Variants in DDX60L observed in about 807,000 individuals in gnomAD.
DDX60L encodes probable ATP-dependent RNA helicase DDX60-like.
Under a neutral mutation model 211.6 loss-of-function variants are expected in DDX60L, and 191 were observed. The observed-to-expected ratio is 0.90, with a 90% CI of 0.80 to 1.02. The LOEUF (loss-of-function observed/expected upper bound fraction) is 1.02, where lower values mean the gene tolerates loss of function less well. Among genes scored for constraint, DDX60L ranks in the 50% least tolerant of loss-of-function variants. The pLI is 0.00. For synonymous variants in DDX60L, 706 were observed against 694.1 expected (o/e 1.02, Z -0.27); for missense variants, 2,007 against 1,984.1 (o/e 1.01, Z -0.22).
chr4:168,399,325 G>A (rs998660205), intron 26 of DDX60L, among the ~76,000 whole-genome samples: 1 of 152,122 alleles, frequency 6.6e-6, no homozygotes, highest in Admixed American at 6.5e-5. Flanking sequence ...AACTTCTTTG[G>A]GGCTCTGCAG....
chr4:168,427,247 G>T lies in DDX60L; in HGVS notation c.1753C>A (p.Gln585Lys), dbSNP rs758866831. ...FLKEDQNKAQ[Q>K]NDDLLFSIEE... ...ATAGAAAACAGCAGATCATCGTTTT[G>T]CTGAGCTTTGTTCTGATCTTCTTTG... Residue 585 changes from glutamine (Q) to lysine (K), a missense_variant, in exon 14 of 38, where the codon CAA (glutamine) becomes AAA (lysine). By Grantham distance (53) the Gln-to-Lys change is moderately conservative. Transcript: ENST00000682922. The T allele has an allele frequency of 3.1e-6, 5 of 1,613,580 alleles. No individual in the cohort carries two copies. The highest frequency in any genetic ancestry group is 1.3e-5 in the African/African-American group (1 of 74,890).
Position 168,461,874 on chromosome 4 carries a change from A to T in DDX60L, c.431T>A (p.Ile144Lys), listed in dbSNP as rs141545646. The change falls in exon 5 of 38, where the codon ATA becomes AAA. Residue 144 changes from isoleucine to lysine, a missense_variant. Ile to Lys is a moderately radical substitution (Grantham distance 102). Transcript: ENST00000682922. Reference sequence around the variant, plus strand: ...ATCACTCAGGCCTTCCTCTGAAACTATCAGAAAATACGGGTAATGCTGTTC... The same window carrying T: ...ATCACTCAGGCCTTCCTCTGAAACTTTCAGAAAATACGGGTAATGCTGTTC... ...FLEQHYPYFL[I>K]VSEEGLSDLQ... is the part of the protein sequence containing the mutation. 6.2e-7 allele frequency: 1 copy of T among 1,611,326 alleles called. No homozygotes were observed. The highest frequency in any genetic ancestry group is 8.5e-7 in the Non-Finnish European group (1 of 1,178,568).
chr4:168,408,750 C>G (rs749085174), intron 22 of DDX60L, among the ~76,000 whole-genome samples: 9 of 152,194 alleles, frequency 5.9e-5, no homozygotes, highest in Admixed American at 2.0e-4. Context: ...CACTGAGCAG[C>G]TGTTCTTTTA....
chr4:168,396,230 C>A, intron 26 of DDX60L, 106 bp from the exon 27 acceptor site: 1 of 639,546 alleles, frequency 1.6e-6, no homozygotes, highest in Non-Finnish European at 2.6e-6. Context: ...CCGACGTTGA[C>A]AGTAGCTCCA....
intron 4 of DDX60L, chr4:168,469,185 A>G (rs1758405444): frequency 6.6e-6 from 1 of 152,222 alleles, no homozygotes; most frequent in South Asian, 2.1e-4. Context: ...AAATCAGGAC[A>G]TTGTGGTACT....
intron 5 of DDX60L, 130 bp from the exon 6 acceptor site, chr4:168,458,138 A>G (rs910909452): frequency 1.5e-5 from 8 of 526,264 alleles, no homozygotes; most frequent in Middle Eastern, 1.0e-3. Flanking sequence ...GGCGATTACT[A>G]AAAAGTCAAG....
At chr4:168,432,637 T>C in intron 11 of DDX60L, 67 bp from the exon 12 acceptor site, 1 of 903,548 alleles carries the variant, frequency 1.1e-6, no homozygotes, top group South Asian at 2.1e-5. Flanking sequence ...AACTTCAGGC[T>C]GTGATAACAG....
At chr4:168,434,096 T>C (rs1445266443) in intron 10 of DDX60L, among the ~76,000 whole-genome samples, 2 of 152,142 alleles carry the variant, frequency 1.3e-5, no homozygotes, top group Non-Finnish European at 2.9e-5. Context: ...GCGGTTGCAC[T>C]ATAATGTATC....
intron 34 of DDX60L, among the ~76,000 whole-genome samples, chr4:168,374,661 A>C (rs1237890847): frequency 6.6e-6 from 1 of 152,244 alleles, no homozygotes; most frequent in Admixed American, 6.5e-5. Context: ...AGCTAAAGTG[A>C]CTAAAGAATT....
At chr4:168,368,216 C>A (rs1226644995) in intron 36 of DDX60L, among the ~76,000 whole-genome samples, 4 of 152,198 alleles carry the variant, frequency 2.6e-5, no homozygotes, top group African/African-American at 7.2e-5. Flanking sequence ...ATGGGCCAGG[C>A]CCAGGGTCCC....
At chr4:168,472,663 T>A in intron 2 of DDX60L, 33 bp downstream of exon 2, 1 of 1,612,618 alleles carries the variant, frequency 6.2e-7, no homozygotes, top group Non-Finnish European at 8.5e-7. Context: ...ATTGTTGCTT[T>A]ATAGGCTACA....
chr4:168,448,514 A>G (rs1579722895), intron 9 of DDX60L, 124 bp downstream of exon 9: 1 of 640,006 alleles, frequency 1.6e-6, no homozygotes. Flanking sequence ...AAATACGTAA[A>G]AAGTATGTAC....
intron 10 of DDX60L, among the ~76,000 whole-genome samples, chr4:168,436,352 G>T (rs76901173): frequency 0.015 from 2,264 of 152,262 alleles, 58 homozygotes; most frequent in African/African-American, 0.051. Flanking sequence ...TGGACTTACA[G>T]AACCCGTATC....
chr4:168,382,673 A>AT (rs1743170642), intron 30 of DDX60L, among the ~76,000 whole-genome samples: 1 of 152,242 alleles, frequency 6.6e-6, no homozygotes, highest in Middle Eastern at 3.4e-3. Flanking sequence ...ACATAACAGA[A>AT]TTTAAGGTAG....
Position 168,373,729 on chromosome 4 carries a change from T to A in DDX60L, c.4713A>T (p.Ser1571=), listed in dbSNP as rs543290093. The A allele has an allele frequency of 3.0e-5, 49 of 1,614,034 alleles. No individual in the cohort carries two copies. In the African/African-American group the frequency reaches 4.9e-4, roughly 16 times the overall value. Reference sequence around the variant, plus strand: ...TGTTCCCCGAAAGACAAACAAATGGTGAAATGGCTACTCTTCCTTTCTTGC... The same window carrying A: ...TGTTCCCCGAAAGACAAACAAATGGAGAAATGGCTACTCTTCCTTTCTTGC... ...MSCKKGRVAI[S]PFVCLSGNTD... is the part of the protein sequence containing the mutation. The change falls in exon 35 of 38, where the codon TCA becomes TCT. Residue 1571 remains serine, a synonymous_variant. Coordinates refer to ENST00000682922, the MANE Select transcript of DDX60L (RefSeq NM_001012967.3).
At position 168,432,560 on chromosome 4, in the gene DDX60L, C is replaced by T; in HGVS notation, c.1411G>A (p.Val471Ile). The T allele has an allele frequency of 6.4e-7, 1 of 1,569,080 alleles. No individual in the cohort carries two copies. The highest frequency in any genetic ancestry group is 8.7e-7 in the Non-Finnish European group (1 of 1,154,770). Residue 471 changes from valine to isoleucine, a missense_variant, in exon 12 of 38, where the codon GTT becomes ATT. Coordinates refer to ENST00000682922, the MANE Select transcript of DDX60L (RefSeq NM_001012967.3). ...DLPILKSDDP[V>I]VPSLFKQKTS... ...TTTTGTTTAAACAGTGAAGGAACAA[C>T]CGGATCATCACTGTAAAAATAAATA...
intron 10 of DDX60L, among the ~76,000 whole-genome samples, chr4:168,433,451 A>G (rs1376824414): frequency 1.3e-5 from 2 of 152,260 alleles, no homozygotes; most frequent in East Asian, 3.9e-4. Flanking sequence ...CAGCACTTGA[A>G]AAAAGAAGCA....
chr4:168,365,541 GAA>G (rs554717166), intron 36 of DDX60L, among the ~76,000 whole-genome samples: 1 of 129,152 alleles, frequency 7.7e-6, no homozygotes. Context: ...TTTTTCATCA[GAA>G]AAAAAAAAAA....
chr4:168,421,829 G>C lies in DDX60L; in HGVS notation c.2325C>G (p.Ser775=). 2 of 1,614,194 alleles carry C rather than the reference G, an allele frequency of 1.2e-6. No individual in the cohort carries two copies. The highest frequency in any genetic ancestry group is 1.7e-6 in the Non-Finnish European group (2 of 1,180,030). The change falls in exon 17 of 38, where the codon TCC becomes TCG. Residue 775 remains serine, a synonymous_variant. Coordinates refer to ENST00000682922, the MANE Select transcript of DDX60L (RefSeq NM_001012967.3). ...APTSSGKTYA[S]YYCMEKVLRE... The stretch of plus-strand genomic sequence containing the variant: ...TCAGCACTTTCTCCATGCAGTAGTA[G>C]GAAGCATAGGTTTTGCCTGAGGACG...
Sources: gnomAD v4.1 joint callset for allele counts (sites outside exome capture counted in the v4.1 genomes callset) on GRCh38, gnomAD v4.1.1 for gene constraint, MANE v1.5 for transcripts, NCBI Gene and HGNC (gene_info 2026-07-23, HGNC 2026-07-21) for gene names.